RABGAP1L: variants seen among roughly 807,000 people sequenced by gnomAD.
The protein encoded by RABGAP1L is RAB GTPase activating protein 1 like, also known as rab GTPase-activating protein 1-like.
RABGAP1L carries 63 observed loss-of-function variants against 137.7 expected under a neutral mutation model. The ratio of observed to expected loss-of-function variants is 0.46; its 90% CI spans 0.37 to 0.56. The LOEUF is 0.56. RABGAP1L is among the 20% of genes least tolerant of loss of function. The probability of loss-of-function intolerance (pLI) is 0.00; values close to 1 mark genes in which losing one functional copy is unlikely to be tolerated. For missense variants in RABGAP1L, 1,095 were observed against 1,244.0 expected, an observed-to-expected ratio of 0.88 and a Z score of 1.80; for synonymous variants, 431 against 433.7, an observed-to-expected ratio of 0.99 and a Z score of 0.08.
intron 13 of RABGAP1L, among the ~76,000 whole-genome samples, chr1:174,589,509 G>C (rs1232097817): frequency 6.6e-6 from 1 of 151,944 alleles, no homozygotes; most frequent in Non-Finnish European, 1.5e-5. Flanking sequence ...GTGCTCGTGG[G>C]GTATTACTGA....
At chr1:174,740,664 C>T (rs970229975) in intron 17 of RABGAP1L, among the ~76,000 whole-genome samples, 2 of 152,110 alleles carry the variant, frequency 1.3e-5, no homozygotes, top group African/African-American at 2.4e-5. Context: ...ATACTGTTTT[C>T]CATAGTGGCT....
At chr1:174,494,154 A>G (rs918705971) in intron 13 of RABGAP1L, among the ~76,000 whole-genome samples, 2 of 152,068 alleles carry the variant, frequency 1.3e-5, no homozygotes, top group Admixed American at 1.3e-4. Flanking sequence ...GGTGGTTTGG[A>G]AAGGTTTATG....
rs1214918775 is a variant in RABGAP1L at position 174,176,716 on chromosome 1, A to G, written c.-34+17059A>G. On this transcript the variant is annotated intron_variant, in intron 1 of 25. Coordinates refer to ENST00000681986, the MANE Select transcript of RABGAP1L (RefSeq NM_001366446.1). Reference sequence around the variant, plus strand: ...AACAGAGGGAGACCCTTTTTCAGAAAAAAAAAAAAAAAAAAAAAAAAAAAA... The same window carrying G: ...AACAGAGGGAGACCCTTTTTCAGAAGAAAAAAAAAAAAAAAAAAAAAAAAA... Among the ~76,000 whole-genome samples the G allele has an allele frequency of 3.0e-4, 31 of 102,030 alleles. 1 individual carries two copies. The highest frequency in any genetic ancestry group is 1.0e-3 in the African/African-American group (23 of 22,930). 66.9% of individuals were successfully genotyped at this position (102,030 alleles called of 152,430 possible).
At chr1:174,792,732 G>C (rs1003371476) in intron 18 of RABGAP1L, among the ~76,000 whole-genome samples, 1 of 152,192 alleles carries the variant, frequency 6.6e-6, no homozygotes, top group Non-Finnish European at 1.5e-5. Flanking sequence ...ACTGAGCCTA[G>C]TTACTAGAAG....
intron 15 of RABGAP1L, among the ~76,000 whole-genome samples, chr1:174,696,094 G>C (rs1408237636): frequency 6.6e-6 from 1 of 152,064 alleles, no homozygotes. Flanking sequence ...GACGACTACT[G>C]CCTGGCTGCT....
intron 19 of RABGAP1L, among the ~76,000 whole-genome samples, chr1:174,821,549 C>T (rs1341710331): frequency 1.3e-5 from 2 of 151,978 alleles, no homozygotes; most frequent in Non-Finnish European, 2.9e-5. Context: ...TTTTTTTCTC[C>T]GAAGACCTCC....
At chr1:174,906,289 G>A (rs1048905572) in intron 19 of RABGAP1L, among the ~76,000 whole-genome samples, 9 of 152,130 alleles carry the variant, frequency 5.9e-5, no homozygotes, top group Admixed American at 3.9e-4. Flanking sequence ...AAAGGGCTGG[G>A]AATATAGGTG....
intron 13 of RABGAP1L, among the ~76,000 whole-genome samples, chr1:174,539,513 A>G (rs1012369726): frequency 2.2e-4 from 34 of 152,228 alleles, no homozygotes; most frequent in African/African-American, 6.7e-4. Context: ...TCATTGTTCA[A>G]TTCCCACCTA....
At chr1:174,478,746 C>T (rs2149325372) in intron 13 of RABGAP1L, among the ~76,000 whole-genome samples, 1 of 152,242 alleles carries the variant, frequency 6.6e-6, no homozygotes, top group Middle Eastern at 3.4e-3. Flanking sequence ...AAATTAGAGA[C>T]CAATACAACT....
At chr1:174,727,784 A>T (rs551299286) in intron 17 of RABGAP1L, among the ~76,000 whole-genome samples, 2 of 152,242 alleles carry the variant, frequency 1.3e-5, no homozygotes, top group East Asian at 1.9e-4. Flanking sequence ...ATCACATTGT[A>T]AGCAATAATA....
At chr1:174,336,882 TGTGA>T (rs1184111666) in intron 11 of RABGAP1L, among the ~76,000 whole-genome samples, 29,421 of 129,782 alleles carry the variant, frequency 0.23, 3,000 homozygotes, top group Admixed American at 0.26. Flanking sequence ...TGTGTGTGTG[TGTGA>T]GAGAGAGAGA....
chr1:174,297,839 C>T (rs770134243), intron 10 of RABGAP1L, among the ~76,000 whole-genome samples: 7 of 152,152 alleles, frequency 4.6e-5, no homozygotes, highest in African/African-American at 7.2e-5. Context: ...ATCCCAAGGC[C>T]GGAGGGCAAA....
At chr1:174,422,887 C>G (rs982473310) in intron 13 of RABGAP1L, among the ~76,000 whole-genome samples, 3 of 137,272 alleles carry the variant, frequency 2.2e-5, no homozygotes, top group African/African-American at 8.4e-5. Flanking sequence ...GTGGAGGTTG[C>G]AGTGAGCCGA....
chr1:174,253,603 A>C (rs1432181602), intron 7 of RABGAP1L, among the ~76,000 whole-genome samples: 3 of 152,160 alleles, frequency 2.0e-5, no homozygotes, highest in Non-Finnish European at 4.4e-5. Context: ...GTTATGCCAA[A>C]AAGGAAGTGC....
chr1:174,259,228 C>T (rs1337556607), intron 7 of RABGAP1L, among the ~76,000 whole-genome samples: 4 of 152,068 alleles, frequency 2.6e-5, no homozygotes, highest in African/African-American at 7.2e-5. Context: ...TGATAACAAG[C>T]ACTATGTTGT....
chr1:174,974,960 T>C (rs1221654862), intron 21 of RABGAP1L, among the ~76,000 whole-genome samples: 1 of 152,244 alleles, frequency 6.6e-6, no homozygotes, highest in Non-Finnish European at 1.5e-5. Flanking sequence ...TTGGATAACA[T>C]TTTGCTGCTG....
At chr1:174,865,102 A>G (rs1247588503) in intron 19 of RABGAP1L, among the ~76,000 whole-genome samples, 1 of 152,208 alleles carries the variant, frequency 6.6e-6, no homozygotes, top group East Asian at 1.9e-4. Context: ...CCTGGGTGAC[A>G]GAGTGAGACC....
chr1:174,848,609 G>T (rs937588386), intron 19 of RABGAP1L, among the ~76,000 whole-genome samples: 11 of 145,624 alleles, frequency 7.6e-5, no homozygotes, highest in African/African-American at 2.8e-4. Context: ...CTGCTTGCTG[G>T]GAGAACCACT....
At chr1:174,267,525 T>A (rs1234405830) in intron 7 of RABGAP1L, among the ~76,000 whole-genome samples, 2 of 152,108 alleles carry the variant, frequency 1.3e-5, no homozygotes, top group African/African-American at 2.4e-5. Flanking sequence ...CTCTGGCAAA[T>A]TTTTCACATT....
Sources: gnomAD v4.1 joint callset for allele counts (sites outside exome capture counted in the v4.1 genomes callset) on GRCh38, gnomAD v4.1.1 for gene constraint, MANE v1.5 for transcripts, NCBI Gene and HGNC (gene_info 2026-07-23, HGNC 2026-07-21) for gene names.